Variants in CLSTN2 observed in about 807,000 individuals in gnomAD.
The protein encoded by CLSTN2 is calsyntenin-2.
CLSTN2 carries 48 observed loss-of-function variants against 101.2 expected under a neutral mutation model. The ratio of observed to expected loss-of-function variants is 0.47; its 90% CI spans 0.38 to 0.60. The LOEUF is 0.60. Ranked by LOEUF, CLSTN2 falls within the 20% of genes least tolerant of loss-of-function variation. The probability of loss-of-function intolerance (pLI) is 0.00; values close to 1 mark genes in which losing one functional copy is unlikely to be tolerated. For missense variants in CLSTN2, 1,160 were observed against 1,238.2 expected (o/e 0.94, Z 0.95); for synonymous variants, 481 against 463.6 (o/e 1.04, Z -0.48).
chr3:140,558,626 G>T lies in CLSTN2; in HGVS notation c.1824-14G>T. 2 of 1,606,998 alleles carry T rather than the reference G, an allele frequency of 1.2e-6. No homozygotes were observed. Among genetic ancestry groups the T allele is most frequent in the South Asian group, 2.2e-5 (2 of 90,782 alleles). Reference sequence around the variant, plus strand: ...GTTTGCTCATCAGTGCCATGACCGAGAATGTTTTCCCAGGTGCTTTGGGGA... The same window carrying T: ...GTTTGCTCATCAGTGCCATGACCGATAATGTTTTCCCAGGTGCTTTGGGGA... On this transcript the variant is annotated splice_polypyrimidine_tract_variant and intron_variant, in intron 11 of 16. Coordinates refer to ENST00000458420, the MANE Select transcript of CLSTN2 (RefSeq NM_022131.3).
intron 1 of CLSTN2, among the ~76,000 whole-genome samples, chr3:140,170,862 C>G (rs544312915): frequency 6.6e-5 from 10 of 152,294 alleles, no homozygotes. Flanking sequence ...GGAACTGAAA[C>G]TCTGAGAGGC....
At chr3:140,371,268 A>G (rs2107957560) in intron 2 of CLSTN2, among the ~76,000 whole-genome samples, 1 of 152,098 alleles carries the variant, frequency 6.6e-6, no homozygotes, top group Non-Finnish European at 1.5e-5. Flanking sequence ...CTGGCCTTTG[A>G]AGATAAGGGG....
At chr3:139,936,242 C>T (rs1935017108) in intron 1 of CLSTN2, among the ~76,000 whole-genome samples, 1 of 152,164 alleles carries the variant, frequency 6.6e-6, no homozygotes, top group Non-Finnish European at 1.5e-5. Context: ...AGCCGGCGAA[C>T]CCCGGACTTT....
chr3:140,013,247 G>T (rs973344659), intron 1 of CLSTN2, among the ~76,000 whole-genome samples: 1 of 152,276 alleles, frequency 6.6e-6, no homozygotes, highest in African/African-American at 2.4e-5. Context: ...GAGCCTTGTT[G>T]GGAATCCATG....
At chr3:140,538,664 A>G (rs144918986) in intron 9 of CLSTN2, among the ~76,000 whole-genome samples, 50 of 152,334 alleles carry the variant, frequency 3.3e-4, no homozygotes, top group African/African-American at 1.2e-3. Context: ...GCTTGGTCTA[A>G]TTTAGTACAA....
At chr3:140,361,658 A>G (rs138791443) in intron 2 of CLSTN2, among the ~76,000 whole-genome samples, 11 of 152,210 alleles carry the variant, frequency 7.2e-5, no homozygotes, top group African/African-American at 2.7e-4. Flanking sequence ...AATGTTAAAA[A>G]GCAGTTATAT....
intron 1 of CLSTN2, among the ~76,000 whole-genome samples, chr3:139,942,248 T>A (rs1162245401): frequency 6.6e-6 from 1 of 152,186 alleles, no homozygotes; most frequent in African/African-American, 2.4e-5. Context: ...GACTCACTTC[T>A]CCAAGTGAGC....
chr3:140,062,331 AG>A (rs2008221133), intron 1 of CLSTN2, among the ~76,000 whole-genome samples: 1 of 152,202 alleles, frequency 6.6e-6, no homozygotes, highest in Non-Finnish European at 1.5e-5. Context: ...CCTATTCTAC[AG>A]GCAGGCATGC....
intron 8 of CLSTN2, among the ~76,000 whole-genome samples, chr3:140,528,681 T>C (rs561308324): frequency 2.6e-5 from 4 of 151,876 alleles, no homozygotes; most frequent in Non-Finnish European, 4.4e-5. Context: ...TTCTGCTTCA[T>C]TGCCTTAGAA....
intron 1 of CLSTN2, among the ~76,000 whole-genome samples, chr3:139,973,517 G>A (rs1373707882): frequency 6.6e-6 from 1 of 152,158 alleles, no homozygotes; most frequent in Non-Finnish European, 1.5e-5. Flanking sequence ...CCATCAGCTG[G>A]TCTGCAACAC....
Position 140,562,893 on chromosome 3 carries a change from G to A in CLSTN2, c.2295G>A (p.Arg765=), listed in dbSNP as rs1369796018. 1 of 1,614,136 alleles carries A rather than the reference G, an allele frequency of 6.2e-7. No homozygotes were observed. Among genetic ancestry groups the A allele is most frequent in the Admixed American group, 1.7e-5 (1 of 60,022 alleles). ...RNWRPASLEA[R]RFRIKCSELN... is the part of the protein sequence containing the mutation. ...GGCGTCCGGCTTCCCTTGAGGCCCG[G>A]CGTTTCCGGATTAAGTGCTCAGAAC... Residue 765 remains arginine, a synonymous_variant, in exon 14 of 17, where the codon CGG becomes CGA. Transcript: ENST00000458420.
At chr3:140,244,629 G>A (rs868172398) in intron 2 of CLSTN2, among the ~76,000 whole-genome samples, 2 of 152,136 alleles carry the variant, frequency 1.3e-5, no homozygotes, top group Non-Finnish European at 2.9e-5. Context: ...GTTTATTGAT[G>A]TAAACTTAAC....
intron 8 of CLSTN2, among the ~76,000 whole-genome samples, chr3:140,510,458 A>T (rs978954570): frequency 6.6e-6 from 1 of 152,246 alleles, no homozygotes; most frequent in Admixed American, 6.5e-5. Context: ...CGGGGATGAG[A>T]TTAAATCCTG....
chr3:140,527,445 A>G (rs1044631772), intron 8 of CLSTN2, among the ~76,000 whole-genome samples: 8 of 152,254 alleles, frequency 5.3e-5, no homozygotes, highest in African/African-American at 1.9e-4. Flanking sequence ...TGGCAAGGCT[A>G]TGGAGAGAAA....
chr3:140,402,035 G>T (rs2088248375), intron 2 of CLSTN2, among the ~76,000 whole-genome samples: 1 of 152,134 alleles, frequency 6.6e-6, no homozygotes, highest in Non-Finnish European at 1.5e-5. Flanking sequence ...CGGCGGGGGA[G>T]TGGGAGATGG....
intron 4 of CLSTN2, among the ~76,000 whole-genome samples, chr3:140,415,823 A>G (rs1036740752): frequency 1.3e-5 from 2 of 152,184 alleles, no homozygotes; most frequent in Admixed American, 1.3e-4. Context: ...TAGAACTACC[A>G]TAGGTTCAGC....
rs1576405939 is a variant in CLSTN2, at chr3:140,039,688, T to G, written c.109+104205T>G. ...ACTGCCACCAAGTAATTTGTGGGGCTGAAAACAACTCGAAGGCTAGGATTC... is the reference window on the plus strand; with the variant it reads ...ACTGCCACCAAGTAATTTGTGGGGCGGAAAACAACTCGAAGGCTAGGATTC... On this transcript the variant is annotated intron_variant, in intron 1 of 16. Transcript: ENST00000458420. Among the ~76,000 whole-genome samples the G allele has an allele frequency of 3.9e-5, 6 of 152,330 alleles. 1 individual carries two copies. The highest frequency in any genetic ancestry group is 3.9e-4 in the Admixed American group (6 of 15,294).
intron 1 of CLSTN2, among the ~76,000 whole-genome samples, chr3:139,938,140 C>CAAAAAAA (rs66697366): frequency 2.3e-4 from 22 of 94,674 alleles, no homozygotes; most frequent in Non-Finnish European, 4.2e-4. Flanking sequence ...ATTCCCATCA[C>CAAAAAAA]AAAAAAAAAA....
At chr3:140,320,570 C>T (rs2087272322) in intron 2 of CLSTN2, among the ~76,000 whole-genome samples, 1 of 149,160 alleles carries the variant, frequency 6.7e-6, no homozygotes, top group African/African-American at 2.5e-5. Flanking sequence ...GACCTGCAGC[C>T]ATGTAATGCC....
Sources: gnomAD v4.1 joint callset for allele counts (sites outside exome capture counted in the v4.1 genomes callset) on GRCh38, gnomAD v4.1.1 for gene constraint, MANE v1.5 for transcripts, NCBI Gene and HGNC (gene_info 2026-07-23, HGNC 2026-07-21) for gene names.